ARID5B: variants seen among roughly 807,000 people sequenced by gnomAD.
The protein encoded by ARID5B is AT-rich interactive domain-containing protein 5B.
Under a neutral mutation model 97.2 loss-of-function variants are expected in ARID5B, and 13 were observed. The ratio of observed to expected loss-of-function variants is 0.13; its 90% CI spans 0.09 to 0.21. The LOEUF is 0.21. Ranked by LOEUF, ARID5B falls within the 10% of genes least tolerant of loss-of-function variation. The pLI, the probability that ARID5B is intolerant of heterozygous loss-of-function variation, is 1.00. For missense variants in ARID5B, 1,210 were observed against 1,465.3 expected (o/e 0.83, Z 2.84); for synonymous variants, 556 against 570.3 (o/e 0.97, Z 0.36).
At chr10:61,969,469 C>A (rs1466941483) in intron 3 of ARID5B, among the ~76,000 whole-genome samples, 1 of 151,952 alleles carries the variant, frequency 6.6e-6, no homozygotes, top group Non-Finnish European at 1.5e-5. Flanking sequence ...AAATTCCCTT[C>A]CTTCATTGAA....
chr10:62,016,632 A>C (rs1387010923), intron 4 of ARID5B, among the ~76,000 whole-genome samples: 1 of 152,208 alleles, frequency 6.6e-6, no homozygotes, highest in Non-Finnish European at 1.5e-5. Context: ...GCTCCCCACG[A>C]AACCTATACT....
At chr10:61,973,299 A>C (rs570703663) in intron 3 of ARID5B, among the ~76,000 whole-genome samples, 3 of 152,346 alleles carry the variant, frequency 2.0e-5, no homozygotes, top group African/African-American at 7.2e-5. Flanking sequence ...GAAAACTAGC[A>C]AAGTGATGGG....
chr10:62,066,888 G>T (rs1463269418), intron 7 of ARID5B, among the ~76,000 whole-genome samples: 1 of 152,066 alleles, frequency 6.6e-6, no homozygotes, highest in Non-Finnish European at 1.5e-5. Flanking sequence ...TTGATTGTGG[G>T]TATCCCCTAC....
chr10:62,022,052 G>A (rs1162586826), intron 4 of ARID5B, among the ~76,000 whole-genome samples: 1 of 152,100 alleles, frequency 6.6e-6, no homozygotes, highest in African/African-American at 2.4e-5. Flanking sequence ...TTTAAGCCCT[G>A]GCACTGTCCC....
chr10:61,916,607 G>A (rs1228353549), intron 2 of ARID5B, among the ~76,000 whole-genome samples: 2 of 152,058 alleles, frequency 1.3e-5, no homozygotes, highest in South Asian at 2.1e-4. Flanking sequence ...TAACTTGTCC[G>A]GGTTTCCAAA....
At position 62,095,384 on chromosome 10, in the gene ARID5B, A is replaced by G. The variant is rs1372473571; in HGVS notation, c.*2354A>G. On this transcript the variant is annotated 3_prime_UTR_variant, in exon 10 of 10. Transcript: ENST00000279873. ...GAGTTCGTGTCTCAAAAAAAAAAGGAGGGGGGGCATCTGTCCCCGGTGGAG... is the reference window on the plus strand; with the variant it reads ...GAGTTCGTGTCTCAAAAAAAAAAGGGGGGGGGGCATCTGTCCCCGGTGGAG... 3.9e-5 allele frequency: 9 copies of G among 231,884 alleles called. No homozygotes were observed. In the South Asian group the frequency reaches 7.3e-4, roughly 19 times the overall value. The allele number at this position is 231,884 out of a possible 1,614,324, so 14.4% of individuals were successfully genotyped here. A position where few individuals can be genotyped will look rare whatever the true frequency, so the allele number is the denominator to read the frequency against.
At chr10:61,912,567 A>G (rs1383016990) in intron 2 of ARID5B, among the ~76,000 whole-genome samples, 2 of 151,972 alleles carry the variant, frequency 1.3e-5, no homozygotes, top group African/African-American at 4.8e-5. Context: ...ACTTTAATGT[A>G]TACTATTTTT....
chr10:61,970,656 G>A (rs983063702), intron 3 of ARID5B, among the ~76,000 whole-genome samples: 1 of 152,116 alleles, frequency 6.6e-6, no homozygotes, highest in Admixed American at 6.5e-5. Flanking sequence ...TTGTATGTTG[G>A]AACAGGAAAC....
chr10:61,961,283 T>C (rs1324159041), intron 3 of ARID5B, among the ~76,000 whole-genome samples: 1 of 152,192 alleles, frequency 6.6e-6, no homozygotes, highest in African/African-American at 2.4e-5. Flanking sequence ...TGAAGGTAAA[T>C]ATATAATCCT....
intron 8 of ARID5B, among the ~76,000 whole-genome samples, chr10:62,070,246 C>T (rs1304524900): frequency 6.6e-6 from 1 of 152,166 alleles, no homozygotes; most frequent in Non-Finnish European, 1.5e-5. Flanking sequence ...TGTTTTATTT[C>T]ATCCTGGTAT....
chr10:61,903,277 G>A (rs1045206762), intron 2 of ARID5B, among the ~76,000 whole-genome samples: 7 of 151,722 alleles, frequency 4.6e-5, no homozygotes, highest in East Asian at 2.0e-4. Context: ...GGCGGGGAGG[G>A]GACAGAGCCT....
chr10:62,049,018 C>T (rs761162610), intron 4 of ARID5B, among the ~76,000 whole-genome samples: 11 of 152,218 alleles, frequency 7.2e-5, no homozygotes, highest in Non-Finnish European at 1.5e-4. Flanking sequence ...GCACTTGGGT[C>T]AGTTGTGGAA....
intron 3 of ARID5B, among the ~76,000 whole-genome samples, chr10:61,978,761 C>G (rs1216509362): frequency 6.6e-6 from 1 of 152,182 alleles, no homozygotes; most frequent in African/African-American, 2.4e-5. Flanking sequence ...GGATTTTGGG[C>G]TGAGACGATG....
chr10:62,091,022 C>T lies in ARID5B; in HGVS notation c.1559C>T (p.Thr520Ile). The T allele has an allele frequency of 6.2e-7, 1 of 1,614,126 alleles. No individual in the cohort carries two copies. Among genetic ancestry groups the T allele is most frequent in the African/African-American group, 1.3e-5 (1 of 75,036 alleles). Reference protein sequence around the residue: ...SRVDPEKDNETDQGSNSEKVA... With the variant: ...SRVDPEKDNEIDQGSNSEKVA... ...GTAGACCCAGAGAAGGACAACGAAACAGACCAAGGTTCCAACAGTGAGAAG... is the reference window on the plus strand; with the variant it reads ...GTAGACCCAGAGAAGGACAACGAAATAGACCAAGGTTCCAACAGTGAGAAG... The change falls in exon 10 of 10, where the codon ACA becomes ATA. Residue 520 changes from threonine (T) to isoleucine (I), a missense_variant. Physicochemically the swap from Thr to Ile is moderately conservative, Grantham distance 89 (BLOSUM62 -1). This residue lies in a region of ARID5B where 800 missense variants were observed against 839.1 expected (regional missense o/e 0.95). Coordinates refer to ENST00000279873, the MANE Select transcript of ARID5B (RefSeq NM_032199.3).
intron 2 of ARID5B, among the ~76,000 whole-genome samples, chr10:61,917,096 T>A (rs912351525): frequency 1.1e-4 from 17 of 150,662 alleles, no homozygotes; most frequent in African/African-American, 3.9e-4. Flanking sequence ...AACCCAGGAG[T>A]TCAGGGTGAA....
chr10:62,047,189 G>A (rs1000949405), intron 4 of ARID5B, among the ~76,000 whole-genome samples: 2 of 152,204 alleles, frequency 1.3e-5, no homozygotes, highest in Non-Finnish European at 2.9e-5. Flanking sequence ...ATGGGGATAA[G>A]GATCATGCCT....
rs199981548 is a variant in ARID5B at position 61,999,387 on chromosome 10, T to C, written c.503-704T>C. Among the ~76,000 whole-genome samples the C allele has an allele frequency of 2.1e-4, 32 of 152,304 alleles. No individual in the cohort carries two copies. The East Asian group carries it at 6.2e-3, about 29-fold the overall frequency. On this transcript the variant is annotated intron_variant, in intron 3 of 9. Transcript: ENST00000279873. ...GAATACACCTAACCTACTGAACACA[T>C]AGCTTTCCTAGCCTACCTTAAACGG...
chr10:61,913,563 G>A (rs1843845727), intron 2 of ARID5B, among the ~76,000 whole-genome samples: 2 of 152,180 alleles, frequency 1.3e-5, no homozygotes, highest in South Asian at 4.1e-4. Flanking sequence ...CTGTTTTGTG[G>A]GGAAGGGGCT....
At chr10:62,047,937 C>A (rs779208758) in intron 4 of ARID5B, among the ~76,000 whole-genome samples, 1 of 152,176 alleles carries the variant, frequency 6.6e-6, no homozygotes. Context: ...CCATTCCCCC[C>A]ACCCCGTACT....
Sources: allele counts gnomAD v4.1 joint callset (sites outside exome capture counted in the v4.1 genomes callset), GRCh38; gene constraint gnomAD v4.1.1; regional missense constraint gnomAD v4.1.1; transcripts MANE v1.5; gene names NCBI Gene and HGNC (gene_info 2026-07-23, HGNC 2026-07-21).